Variants in SLC35F1 observed in about 807,000 individuals in gnomAD.
SLC35F1 encodes the protein chromosome 6 open reading frame 169.
In SLC35F1, 14 loss-of-function variants were observed where a neutral mutation model predicts 48.7. The observed-to-expected ratio is 0.29, with a 90% CI of 0.19 to 0.45. The LOEUF (loss-of-function observed/expected upper bound fraction) is 0.45, where lower values mean the gene tolerates loss of function less well. Ranked by LOEUF, SLC35F1 falls within the 20% of genes least tolerant of loss-of-function variation. The pLI, the probability that SLC35F1 is intolerant of heterozygous loss-of-function variation, is 1.00. For missense variants in SLC35F1, 404 were observed against 500.0 expected, an observed-to-expected ratio of 0.81 and a Z score of 1.83; for synonymous variants, 190 against 202.2, an observed-to-expected ratio of 0.94 and a Z score of 0.51.
chr6:117,959,498 G>A (rs1023931912), intron 1 of SLC35F1, among the ~76,000 whole-genome samples: 2 of 152,162 alleles, frequency 1.3e-5, no homozygotes, highest in African/African-American at 4.8e-5. Flanking sequence ...CCAATGCTCA[G>A]CGTGTCATAT....
intron 1 of SLC35F1, among the ~76,000 whole-genome samples, chr6:118,042,662 G>A (rs1216613214): frequency 6.6e-6 from 1 of 152,170 alleles, no homozygotes; most frequent in African/African-American, 2.4e-5. Context: ...TCTTGAATAG[G>A]GAGAGAAGAT....
At chr6:117,938,950 C>T (rs1776194402) in intron 1 of SLC35F1, among the ~76,000 whole-genome samples, 1 of 151,434 alleles carries the variant, frequency 6.6e-6, no homozygotes, top group Admixed American at 6.6e-5. Context: ...ATCCAGTGTC[C>T]ATTCCTTTTA....
chr6:118,085,086 G>C (rs1259558540), intron 1 of SLC35F1, among the ~76,000 whole-genome samples: 1 of 133,618 alleles, frequency 7.5e-6, no homozygotes. Flanking sequence ...GTTAGAACGG[G>C]ATAGTATGTT....
intron 1 of SLC35F1, among the ~76,000 whole-genome samples, chr6:117,935,183 CCTAT>C (rs1776149461): frequency 2.0e-5 from 3 of 152,324 alleles, no homozygotes; most frequent in South Asian, 2.1e-4. Context: ...ACCAAGAAAA[CCTAT>C]CTATCTTTTC....
intron 1 of SLC35F1, among the ~76,000 whole-genome samples, chr6:117,966,135 C>CCCG (rs1488107538): frequency 3.3e-5 from 2 of 60,750 alleles, no homozygotes; most frequent in African/African-American, 1.0e-4. Flanking sequence ...GCCACCGCCC[C>CCCG]CCCCCCCACT....
At position 118,261,237 on chromosome 6, in the gene SLC35F1, A is replaced by G. The variant is rs141489038; in HGVS notation, c.478-5758A>G. Among the ~76,000 whole-genome samples the G allele has an allele frequency of 2.2e-4, 33 of 152,330 alleles. No homozygotes were observed. In the East Asian group the frequency reaches 6.2e-3, roughly 28 times the overall value. On this transcript the variant is annotated intron_variant, in intron 3 of 7. Coordinates refer to ENST00000360388, the MANE Select transcript of SLC35F1 (RefSeq NM_001029858.4). ...GGTGTGATACCTTAGTATCCAGTCA[A>G]TATCATACTTGGCCTTGGATTCTCT...
chr6:118,053,137 G>T (rs924053903), intron 1 of SLC35F1, among the ~76,000 whole-genome samples: 3 of 152,024 alleles, frequency 2.0e-5, no homozygotes, highest in African/African-American at 7.2e-5. Flanking sequence ...TTGTTTAAGG[G>T]CTCCAAATTA....
rs1775697421 is a variant in SLC35F1 at position 117,907,319 on chromosome 6, C to T, written c.-408C>T. On this transcript the variant is annotated 5_prime_UTR_variant, in exon 1 of 8. Coordinates refer to ENST00000360388, the MANE Select transcript of SLC35F1 (RefSeq NM_001029858.4). ...ACAGGCTGAGGCGGCGCCAGCACAA[C>T]TGCCGCCGCGCGCCCCGAGGAGACC... Among the ~76,000 whole-genome samples the T allele has an allele frequency of 6.6e-6, 1 of 151,036 alleles. No homozygotes were observed. The highest frequency in any genetic ancestry group is 2.1e-4 in the South Asian group (1 of 4,832).
chr6:118,247,859 A>C (rs182151625), intron 3 of SLC35F1, among the ~76,000 whole-genome samples: 1 of 147,800 alleles, frequency 6.8e-6, no homozygotes, highest in East Asian at 1.9e-4. Flanking sequence ...TTCTCTTTTG[A>C]AATCTCCTTC....
intron 2 of SLC35F1, among the ~76,000 whole-genome samples, chr6:118,225,859 G>C (rs1005567390): frequency 1.5e-5 from 2 of 129,714 alleles, no homozygotes; most frequent in African/African-American, 5.9e-5. Context: ...CTGGCTGACA[G>C]AGCGAGACTT....
chr6:118,236,199 C>T (rs1775363015), intron 3 of SLC35F1, among the ~76,000 whole-genome samples: 1 of 152,068 alleles, frequency 6.6e-6, no homozygotes, highest in Non-Finnish European at 1.5e-5. Flanking sequence ...AAGATAGCTA[C>T]TGTGTTTCTT....
At chr6:118,141,641 T>C (rs1773891524) in intron 1 of SLC35F1, among the ~76,000 whole-genome samples, 1 of 152,136 alleles carries the variant, frequency 6.6e-6, no homozygotes, top group Non-Finnish European at 1.5e-5. Flanking sequence ...TCTGGGATCC[T>C]TTTTACCCTG....
chr6:118,208,163 C>A (rs568148933), intron 2 of SLC35F1, among the ~76,000 whole-genome samples: 10 of 152,284 alleles, frequency 6.6e-5, no homozygotes, highest in African/African-American at 2.2e-4. Flanking sequence ...TGCAGTGGTA[C>A]CCCCGCTGCC....
chr6:118,141,399 A>G (rs891814667), intron 1 of SLC35F1, among the ~76,000 whole-genome samples: 7 of 152,216 alleles, frequency 4.6e-5, no homozygotes, highest in African/African-American at 1.7e-4. Context: ...AGTACACTCT[A>G]TGATTGCACA....
At chr6:118,141,195 G>A (rs1229569912) in intron 1 of SLC35F1, among the ~76,000 whole-genome samples, 2 of 152,056 alleles carry the variant, frequency 1.3e-5, no homozygotes, top group African/African-American at 4.8e-5. Flanking sequence ...CCCTATACAG[G>A]TGTACCATTT....
chr6:118,028,397 A>G (rs1771988813), intron 1 of SLC35F1, among the ~76,000 whole-genome samples: 1 of 152,154 alleles, frequency 6.6e-6, no homozygotes, highest in Non-Finnish European at 1.5e-5. Context: ...TAATAGGGCT[A>G]TGTGGAAAAC....
intron 2 of SLC35F1, among the ~76,000 whole-genome samples, chr6:118,192,232 C>T (rs1774741919): frequency 6.6e-6 from 1 of 152,148 alleles, no homozygotes; most frequent in African/African-American, 2.4e-5. Context: ...ACATGCAAAT[C>T]TGGCAAAGTA....
intron 1 of SLC35F1, among the ~76,000 whole-genome samples, chr6:118,087,334 T>C (rs1190285939): frequency 1.3e-5 from 2 of 152,110 alleles, no homozygotes; most frequent in Non-Finnish European, 2.9e-5. Flanking sequence ...ATTACCTCCT[T>C]AAAGATGCTA....
chr6:118,285,647 G>A (rs1302760625), intron 7 of SLC35F1, among the ~76,000 whole-genome samples: 1 of 152,128 alleles, frequency 6.6e-6, no homozygotes, highest in Non-Finnish European at 1.5e-5. Context: ...TTTCCAATAC[G>A]AACCTAGGAA....
Sources: gnomAD v4.1 joint callset for allele counts (sites outside exome capture counted in the v4.1 genomes callset) on GRCh38, gnomAD v4.1.1 for gene constraint, MANE v1.5 for transcripts, NCBI Gene and HGNC (gene_info 2026-07-23, HGNC 2026-07-21) for gene names.